Variants in PAGE4 observed in about 807,000 individuals in gnomAD.
PAGE4 encodes P antigen family member 4.
In PAGE4, 1 loss-of-function variant was observed where a neutral mutation model predicts 8.5. That is an observed-to-expected ratio of 0.12 (90% CI 0.04 to 0.56). The LOEUF is 0.56. PAGE4 is among the 20% of genes least tolerant of loss of function. The probability of loss-of-function intolerance (pLI) is 0.91; values close to 1 mark genes in which losing one functional copy is unlikely to be tolerated. For missense variants in PAGE4, 93 were observed against 82.7 expected, an observed-to-expected ratio of 1.13 and a Z score of -0.49; for synonymous variants, 26 against 26.3, an observed-to-expected ratio of 0.99 and a Z score of 0.04.
chrX:49,830,629 A>G, intron 2 of PAGE4, 123 bp downstream of exon 2: 1 of 477,550 alleles, frequency 2.1e-6, no homozygotes, highest in Non-Finnish European at 3.6e-6. Context: ...AAATAGTTGC[A>G]AACTAAATCA....
At chrX:49,831,452 C>A in intron 3 of PAGE4, 1 of 164,145 alleles carries the variant, frequency 6.1e-6, no homozygotes, top group Non-Finnish European at 1.1e-5. Context: ...TTTGAGCAAA[C>A]CATATATTAT....
chrX:49,832,750 C>T, intron 4 of PAGE4, 100 bp downstream of exon 4: 2 of 733,807 alleles, frequency 2.7e-6, no homozygotes, highest in Non-Finnish European at 4.0e-6. Flanking sequence ...AAAGGTAGTT[C>T]AGACACCAAA....
At chrX:49,832,429 A>G in intron 3 of PAGE4, 96 bp from the exon 4 acceptor site, 1 of 539,888 alleles carries the variant, frequency 1.9e-6, no homozygotes, top group Non-Finnish European at 2.9e-6. Context: ...CTCATGCATC[A>G]CATTTGTTAG....
chrX:49,833,769 G>A (rs372349209), intron 4 of PAGE4, 77 bp from the exon 5 acceptor site: 443 of 750,686 alleles, frequency 5.9e-4, no homozygotes, highest in Non-Finnish European at 7.8e-4. Context: ...CAAAACTAGT[G>A]TTCTTTGTGT....
chrX:49,829,414 C>G (rs782122973), intron 1 of PAGE4, 63 bp downstream of exon 1: 1 of 112,138 alleles, frequency 8.9e-6, no homozygotes, highest in Non-Finnish European at 1.9e-5. Flanking sequence ...GCACTGTGGT[C>G]CCTGGCCTCA....
chrX:49,833,486 T>C (rs1923537311), intron 4 of PAGE4, among the ~76,000 whole-genome samples: 1 of 112,370 alleles, frequency 8.9e-6, no homozygotes, highest in African/African-American at 3.2e-5. Flanking sequence ...ACACTGTGTT[T>C]GCTTGCTTGT....
chrX:49,830,659 A>C, intron 2 of PAGE4, 153 bp downstream of exon 2: 1 of 446,780 alleles, frequency 2.2e-6, no homozygotes, highest in Non-Finnish European at 3.9e-6. Flanking sequence ...GACATTGAGC[A>C]AGGAGACTTA....
rs528471142 is a variant in PAGE4, at chrX:49,833,467, A to T, written c.293-379A>T. On this transcript the variant is annotated intron_variant, in intron 4 of 4. Coordinates refer to ENST00000218068, the MANE Select transcript of PAGE4 (RefSeq NM_007003.4). ...TTAGCAGAAAGTTTTTAGTCAATAC[A>T]TTTGAGTGACACTGTGTTTGCTTGC... Among the ~76,000 whole-genome samples, 36 of 112,353 alleles carry T rather than the reference A, an allele frequency of 3.2e-4. No homozygotes were observed. The South Asian group carries it at 0.013, about 42-fold the overall frequency.
chrX:49,831,556 C>A (rs1354614439), intron 3 of PAGE4, among the ~76,000 whole-genome samples: 2 of 111,849 alleles, frequency 1.8e-5, no homozygotes, highest in Non-Finnish European at 1.9e-5. Flanking sequence ...GTCTTCAATA[C>A]TTTTGTCTTT....
At chrX:49,830,262 T>TA (rs1923436026) in intron 1 of PAGE4, 137 bp from the exon 2 acceptor site, 1 of 389,833 alleles carries the variant, frequency 2.6e-6, no homozygotes, top group East Asian at 4.0e-5. Context: ...CAGATAGATT[T>TA]ATTTGATGTG....
In PAGE4 at chrX:49,830,424, C is replaced by T; in HGVS notation, c.-5C>T. The T allele has an allele frequency of 1.7e-6, 2 of 1,184,093 alleles. 1 individual carries two copies. The highest frequency in any genetic ancestry group is 2.3e-6 in the Non-Finnish European group (2 of 876,037). ...TCTTCAGTTCACGATCTTCTAGTTG[C>T]AGCGATGAGTGCACGAGTGAGATCA... is the stretch of plus-strand genomic sequence containing the variant. On this transcript the variant is annotated 5_prime_UTR_variant, in exon 2 of 5. Coordinates refer to ENST00000218068, the MANE Select transcript of PAGE4 (RefSeq NM_007003.4).
At chrX:49,829,996 G>T (rs1437139679) in intron 1 of PAGE4, 1 of 113,328 alleles carries the variant, frequency 8.8e-6, no homozygotes, top group Non-Finnish European at 1.8e-5. Context: ...ATCAGATGGA[G>T]CAAAACTTGG....
chrX:49,833,889 C>A lies in PAGE4; in HGVS notation c.*27C>A. 8.9e-7 allele frequency: 1 copy of A among 1,124,046 alleles called. No homozygotes were observed. 92.6% of individuals were successfully genotyped at this position (1,124,046 alleles called of 1,213,427 possible). A position where few individuals can be genotyped will look rare whatever the true frequency, so the allele number is the denominator to read the frequency against. On this transcript the variant is annotated 3_prime_UTR_variant, in exon 5 of 5. Transcript: ENST00000218068. ...TTAAAAAGAAGACAAGCTGAAGCTACACACATGGCTGATGTCACATTGAAA... is the reference window on the plus strand; with the variant it reads ...TTAAAAAGAAGACAAGCTGAAGCTAAACACATGGCTGATGTCACATTGAAA...
chrX:49,834,029 C>A lies in PAGE4; in HGVS notation c.*167C>A. ...AAATTGACACTATTGTAAATGGTAT[C>A]TTTAAAAAATCCTTGTGTTCTGTTT... is the stretch of plus-strand genomic sequence containing the variant. On this transcript the variant is annotated 3_prime_UTR_variant, in exon 5 of 5. Transcript: ENST00000218068. The A allele has an allele frequency of 2.3e-6, 1 of 434,591 alleles. No homozygotes were observed. The highest frequency in any genetic ancestry group is 3.9e-5 in the South Asian group (1 of 25,891). The allele number at this position is 434,591 out of a possible 1,213,427, so 35.8% of individuals were successfully genotyped here. A position where few individuals can be genotyped will look rare whatever the true frequency, so the allele number is the denominator to read the frequency against.
Position 49,832,585 on chromosome X carries a change from G to A in PAGE4, c.227G>A (p.Gly76Glu), listed in dbSNP as rs781806435. Residue 76 changes from glycine (G) to glutamate (E), a missense_variant, in exon 4 of 5, where the codon GGA becomes GAA. Physicochemically the swap from Gly to Glu is moderately conservative, Grantham distance 98 (BLOSUM62 -2). Transcript: ENST00000218068. ...CTGGAAAAGACTCGGAGTGAGCGTG[G>A]AGATGGCTCTGATGTAAAAGAGAAG... ...MDLEKTRSERGDGSDVKEKTP... is the reference protein window; with the variant it reads ...MDLEKTRSEREDGSDVKEKTP... 4.6e-5 allele frequency: 55 copies of A among 1,193,199 alleles called. No individual in the cohort carries two copies. Among genetic ancestry groups the A allele is most frequent in the Non-Finnish European group, 6.8e-6 (6 of 880,955 alleles).
chrX:49,834,115 A>T lies in PAGE4; in HGVS notation c.*253A>T. The T allele has an allele frequency of 2.8e-6, 1 of 359,921 alleles. No homozygotes were observed. Among genetic ancestry groups the T allele is most frequent in the Non-Finnish European group, 4.9e-6 (1 of 205,462 alleles). 29.7% of individuals were successfully genotyped at this position (359,921 alleles called of 1,213,427 possible). On this transcript the variant is annotated 3_prime_UTR_variant, in exon 5 of 5. Coordinates refer to ENST00000218068, the MANE Select transcript of PAGE4 (RefSeq NM_007003.4). Reference sequence around the variant, plus strand: ...TTGGGCAACATTGCTAAACTTGCCTATTCTGTTGGTTTATCCCTACGTCCT... The same window carrying T: ...TTGGGCAACATTGCTAAACTTGCCTTTTCTGTTGGTTTATCCCTACGTCCT...
At chrX:49,830,963 C>G (rs1557156498) in intron 2 of PAGE4, 34 bp from the exon 3 acceptor site, 1 of 927,588 alleles carries the variant, frequency 1.1e-6, no homozygotes, top group African/African-American at 2.0e-5. Context: ...TAACAATATT[C>G]TATTTGCATC....
chrX:49,834,094 G>A lies in PAGE4; in HGVS notation c.*232G>A. 1 of 357,122 alleles carries A rather than the reference G, an allele frequency of 2.8e-6. No homozygotes were observed. Among genetic ancestry groups the A allele is most frequent in the Non-Finnish European group, 4.9e-6 (1 of 203,857 alleles). The allele number at this position is 357,122 out of a possible 1,213,427, so 29.4% of individuals were successfully genotyped here. On this transcript the variant is annotated 3_prime_UTR_variant, in exon 5 of 5. Transcript: ENST00000218068. ...TTTTTGTATACTGATTTTGTGTTGG[G>A]CAACATTGCTAAACTTGCCTATTCT...
chrX:49,832,176 G>T (rs1164337957), intron 3 of PAGE4, among the ~76,000 whole-genome samples: 1 of 111,282 alleles, frequency 9.0e-6, no homozygotes, highest in Non-Finnish European at 1.9e-5. Flanking sequence ...CTAGGTGCCG[G>T]GTAATGTACT....
Sources: allele counts gnomAD v4.1 joint callset (sites outside exome capture counted in the v4.1 genomes callset), GRCh38; gene constraint gnomAD v4.1.1; transcripts MANE v1.5; gene names NCBI Gene and HGNC (gene_info 2026-07-23, HGNC 2026-07-21).